Variants in PTPN5 observed in about 807,000 individuals in gnomAD.
PTPN5 encodes the protein tyrosine-protein phosphatase non-receptor type 5.
In PTPN5, 29 loss-of-function variants were observed where a neutral mutation model predicts 73.9. The ratio of observed to expected loss-of-function variants is 0.39; its 90% CI spans 0.29 to 0.54. The LOEUF is 0.54. Ranked by LOEUF, PTPN5 falls within the 20% of genes least tolerant of loss-of-function variation. The pLI is 0.65. For synonymous variants in PTPN5, 267 were observed against 304.7 expected (o/e 0.88, Z 1.29); for missense variants, 652 against 751.4 (o/e 0.87, Z 1.55).
At chr11:18,764,460 A>T (rs1850541150) in intron 3 of PTPN5, among the ~76,000 whole-genome samples, 1 of 152,144 alleles carries the variant, frequency 6.6e-6, no homozygotes, top group African/African-American at 2.4e-5. Flanking sequence ...GGCACCCCCT[A>T]CTGGTTAAGG....
chr11:18,734,182 A>T (rs1434820026), intron 9 of PTPN5, among the ~76,000 whole-genome samples: 1 of 152,246 alleles, frequency 6.6e-6, no homozygotes, highest in East Asian at 1.9e-4. Context: ...ATAAATATAA[A>T]GGGCTGTTAA....
intron 3 of PTPN5, among the ~76,000 whole-genome samples, chr11:18,745,725 C>G (rs998261179): frequency 6.6e-5 from 10 of 152,024 alleles, no homozygotes; most frequent in African/African-American, 2.2e-4. Context: ...TCTCTGTGTG[C>G]CTGGGTTAAT....
chr11:18,779,318 G>A (rs1851312406), intron 1 of PTPN5, among the ~76,000 whole-genome samples: 1 of 151,884 alleles, frequency 6.6e-6, no homozygotes, highest in African/African-American at 2.4e-5. Context: ...AGCGAGGCTG[G>A]GTTTGGAAAC....
At chr11:18,777,601 A>G (rs1473622669) in intron 1 of PTPN5, among the ~76,000 whole-genome samples, 2 of 152,192 alleles carry the variant, frequency 1.3e-5, no homozygotes, top group African/African-American at 4.8e-5. Context: ...GAACTGCTGT[A>G]TCACTGGGAG....
At chr11:18,769,665 A>G (rs1363934233) in intron 2 of PTPN5, among the ~76,000 whole-genome samples, 2 of 152,166 alleles carry the variant, frequency 1.3e-5, no homozygotes, top group Admixed American at 6.5e-5. Context: ...CAGCCTCCCA[A>G]AGTACTGGGA....
intron 1 of PTPN5, among the ~76,000 whole-genome samples, chr11:18,784,005 T>G (rs544646324): frequency 6.6e-6 from 1 of 152,152 alleles, no homozygotes; most frequent in Non-Finnish European, 1.5e-5. Context: ...CAAACAACAT[T>G]TAGTTTTTAA....
chr11:18,787,610 G>T (rs1365277701), intron 1 of PTPN5, among the ~76,000 whole-genome samples: 1 of 152,228 alleles, frequency 6.6e-6, no homozygotes. Flanking sequence ...TGCACCTGTG[G>T]TCTCCTCTTT....
At chr11:18,754,740 C>A (rs144385916) in intron 3 of PTPN5, among the ~76,000 whole-genome samples, 1 of 152,348 alleles carries the variant, frequency 6.6e-6, no homozygotes, top group East Asian at 1.9e-4. Flanking sequence ...GTCATCCATA[C>A]TCTTGCCTCA....
At chr11:18,741,296 C>G (rs560290744) in intron 7 of PTPN5, among the ~76,000 whole-genome samples, 1 of 152,174 alleles carries the variant, frequency 6.6e-6, no homozygotes, top group Non-Finnish European at 1.5e-5. Flanking sequence ...CCAGGACCCC[C>G]GCTGTCAGGA....
intron 2 of PTPN5, among the ~76,000 whole-genome samples, chr11:18,768,545 C>G (rs886125406): frequency 6.6e-6 from 1 of 152,246 alleles, no homozygotes. Context: ...TGACTCACAC[C>G]TGCTTTCACA....
chr11:18,787,068 A>G (rs1156459414), intron 1 of PTPN5, among the ~76,000 whole-genome samples: 1 of 152,206 alleles, frequency 6.6e-6, no homozygotes, highest in East Asian at 1.9e-4. Flanking sequence ...TTTTACAGTC[A>G]TTTCAGGTAC....
At position 18,733,346 on chromosome 11, in the gene PTPN5, G is replaced by A. The variant is rs772147141; in HGVS notation, c.1107C>T (p.Tyr369=). The change falls in exon 11 of 15, where the codon TAC becomes TAT. Residue 369 remains tyrosine (Y), a synonymous_variant. Transcript: ENST00000358540. This position sits in a 1 kb window ranked among gnomAD's most constrained non-coding sequence, Gnocchi z 4.3. ...IRGYGGEEKV[Y]IATQGPIVST... ...TGACGATGGGTCCCTGAGTGGCGAT[G>A]TACACCTTCTCCTCCCCACCATAGC... 11 of 1,614,082 alleles carry A rather than the reference G, an allele frequency of 6.8e-6. No individual in the cohort carries two copies. Among genetic ancestry groups the A allele is most frequent in the Non-Finnish European group, 9.3e-6 (11 of 1,179,948 alleles).
In PTPN5 at chr11:18,791,553, AGCAGGCGG is replaced by A. The variant is rs1210770747; in HGVS notation, c.-150_-143del. 1 of 153,330 alleles carries A rather than the reference AGCAGGCGG, an allele frequency of 6.5e-6. No individual in the cohort carries two copies. Among genetic ancestry groups the A allele is most frequent in the Non-Finnish European group, 1.4e-5 (1 of 69,096 alleles). The allele number at this position is 153,330 out of a possible 1,614,324, so 9.5% of individuals were successfully genotyped here. A position where few individuals can be genotyped will look rare whatever the true frequency, so the allele number is the denominator to read the frequency against. On this transcript the variant is annotated 5_prime_UTR_variant, in exon 1 of 15. Transcript: ENST00000358540. ...CCAGAGCGGGCTCCGGGCGCCGGCG[AGCAGGCGG>A]GCAGGCTGGCGGGAGGATGCGCGCG...
intron 2 of PTPN5, among the ~76,000 whole-genome samples, chr11:18,767,069 G>A (rs567803166): frequency 6.6e-6 from 1 of 152,218 alleles, no homozygotes; most frequent in Non-Finnish European, 1.5e-5. Context: ...TTTAGCTTAC[G>A]CCAGTGGGAT....
At chr11:18,749,329 C>T in intron 3 of PTPN5, 1 of 515,794 alleles carries the variant, frequency 1.9e-6, no homozygotes. Context: ...AAAATCAAGG[C>T]TTAGAGAGGT....
intron 1 of PTPN5, among the ~76,000 whole-genome samples, chr11:18,772,865 G>A (rs973540729): frequency 7.9e-5 from 12 of 152,180 alleles, no homozygotes; most frequent in Admixed American, 2.0e-4. Context: ...ACCCGTGTGC[G>A]GGGAGACGAG....
chr11:18,746,045 A>G (rs1203052677), intron 3 of PTPN5, among the ~76,000 whole-genome samples: 1 of 151,522 alleles, frequency 6.6e-6, no homozygotes, highest in Non-Finnish European at 1.5e-5. Flanking sequence ...GTAAGGCTAC[A>G]ATAAATGTTT....
At chr11:18,750,035 G>C (rs1849815900) in intron 3 of PTPN5, among the ~76,000 whole-genome samples, 7 of 152,180 alleles carry the variant, frequency 4.6e-5, no homozygotes. Flanking sequence ...GTCAGAGCCT[G>C]ATGGGCCCTG....
At chr11:18,736,939 T>G (rs1429087085) in intron 9 of PTPN5, among the ~76,000 whole-genome samples, 1 of 152,246 alleles carries the variant, frequency 6.6e-6, no homozygotes, top group Non-Finnish European at 1.5e-5. Context: ...AATGGCTCTT[T>G]GTTTAACCGG....
Sources: allele counts gnomAD v4.1 joint callset (sites outside exome capture counted in the v4.1 genomes callset), GRCh38; gene constraint gnomAD v4.1.1; non-coding constraint Gnocchi (gnomAD v3.1); transcripts MANE v1.5; gene names NCBI Gene and HGNC (gene_info 2026-07-23, HGNC 2026-07-21).